Variants in WNT5A observed in about 807,000 individuals in gnomAD.
The protein encoded by WNT5A is Wnt family member 5A.
WNT5A carries 9 observed loss-of-function variants against 42.1 expected under a neutral mutation model. The ratio of observed to expected loss-of-function variants is 0.21; its 90% CI spans 0.13 to 0.37. WNT5A has a LOEUF of 0.37. WNT5A is among the 10% of genes least tolerant of loss of function. The pLI, the probability that WNT5A is intolerant of heterozygous loss-of-function variation, is 1.00. For synonymous variants in WNT5A, 210 were observed against 210.0 expected, an observed-to-expected ratio of 1.00 and a Z score of 0.00; for missense variants, 426 against 534.0, an observed-to-expected ratio of 0.80 and a Z score of 1.99.
At chr3:55,500,098 G>T in the WNT5A span, among the ~76,000 whole-genome samples, 1 of 152,150 alleles carries the variant, frequency 6.6e-6, no homozygotes, top group African/African-American at 2.4e-5. Flanking sequence ...GGGCCACAGA[G>T]TTGGGCAAAA....
rs572545730 is a variant in WNT5A, at chr3:55,466,036, G to C, written c.*4056C>G. The C allele has an allele frequency of 7.2e-4, 110 of 152,184 alleles. No individual in the cohort carries two copies. The highest frequency in any genetic ancestry group is 2.6e-3 in the African/African-American group (107 of 41,536). 9.4% of individuals were successfully genotyped at this position (152,184 alleles called of 1,614,324 possible). A position where few individuals can be genotyped will look rare whatever the true frequency, so the allele number is the denominator to read the frequency against. On this transcript the variant is annotated 3_prime_UTR_variant, in exon 5 of 5. Transcript: ENST00000264634. ...TTAAAGTGTAAAGTTTGTGTGAACA[G>C]GGAAATTAGATCATTTCTCTAAGTT... is the stretch of plus-strand genomic sequence containing the variant.
At chr3:55,504,907 A>G in the WNT5A span, among the ~76,000 whole-genome samples, 3 of 152,182 alleles carry the variant, frequency 2.0e-5, no homozygotes, top group African/African-American at 7.2e-5. Flanking sequence ...AACCCTATAT[A>G]TTAATTTTGT....
intron 3 of WNT5A, among the ~76,000 whole-genome samples, chr3:55,478,838 T>C (rs2051403261): frequency 6.6e-6 from 1 of 152,214 alleles, no homozygotes; most frequent in Non-Finnish European, 1.5e-5. Flanking sequence ...CAGGAAATAG[T>C]TCTATTAGGA....
intron 3 of WNT5A, among the ~76,000 whole-genome samples, chr3:55,474,916 G>A (rs1446765763): frequency 3.7e-5 from 5 of 136,078 alleles, no homozygotes; most frequent in African/African-American, 1.4e-4. Context: ...TGGGGTAGAG[G>A]GTAGGGAGTA....
chr3:55,475,977 G>A (rs760310516), intron 3 of WNT5A, among the ~76,000 whole-genome samples: 15 of 152,112 alleles, frequency 9.9e-5, no homozygotes, highest in African/African-American at 3.1e-4. Flanking sequence ...GCAAAATAAG[G>A]GTACTGAAAT....
chr3:55,474,911 T>C (rs1333874330), intron 3 of WNT5A, among the ~76,000 whole-genome samples: 2 of 44,092 alleles, frequency 4.5e-5, no homozygotes, highest in Non-Finnish European at 8.4e-5. Context: ...GAGGTTGGGG[T>C]AGAGGGTAGG....
At position 55,467,732 on chromosome 3, in the gene WNT5A, A is replaced by G. The variant is rs929398150; in HGVS notation, c.*2360T>C. 7.9e-5 allele frequency: 12 copies of G among 152,702 alleles called. No homozygotes were observed. The highest frequency in any genetic ancestry group is 2.9e-4 in the African/African-American group (12 of 41,594). 9.5% of individuals were successfully genotyped at this position (152,702 alleles called of 1,614,324 possible). ...GAATAAAGGCTAGAAGATATACATA[A>G]TATCTGAATGACATGTAGAATATTT... is the stretch of plus-strand genomic sequence containing the variant. On this transcript the variant is annotated 3_prime_UTR_variant, in exon 5 of 5. Transcript: ENST00000264634.
At chr3:55,473,373 A>T (rs889341489) in intron 4 of WNT5A, among the ~76,000 whole-genome samples, 1 of 152,204 alleles carries the variant, frequency 6.6e-6, no homozygotes, top group South Asian at 2.1e-4. Context: ...GTGAAAAAAT[A>T]ATGGCCCTGG....
intron 3 of WNT5A, among the ~76,000 whole-genome samples, chr3:55,478,676 T>TA (rs1407529105): frequency 1.2e-4 from 19 of 152,314 alleles, no homozygotes; most frequent in African/African-American, 4.6e-4. Context: ...GCAATACTCT[T>TA]AATTTTTTTT....
intron 3 of WNT5A, among the ~76,000 whole-genome samples, chr3:55,476,655 C>G (rs1298453086): frequency 6.6e-6 from 1 of 152,116 alleles, no homozygotes; most frequent in Non-Finnish European, 1.5e-5. Flanking sequence ...CCTTTTATGC[C>G]GCAGAATACA....
At chr3:55,484,196 A>G (rs774463060) in intron 1 of WNT5A, among the ~76,000 whole-genome samples, 24 of 152,174 alleles carry the variant, frequency 1.6e-4, no homozygotes, top group Non-Finnish European at 2.8e-4. Flanking sequence ...TCTTGGTGGA[A>G]AAAGAAAGCT....
In WNT5A at chr3:55,470,119, C is replaced by T. The variant is rs762481849; in HGVS notation, c.1116G>A (p.Glu372=). Residue 372 remains glutamate (E), a synonymous_variant, in exon 5 of 5, where the codon GAG becomes GAA. Coordinates refer to ENST00000264634, the MANE Select transcript of WNT5A (RefSeq NM_003392.7). ...CCYVKCKKCT[E]IVDQFVCK is the part of the protein sequence containing the mutation. ...ACTTGCACACAAACTGGTCCACGATCTCCGTGCACTTCTTGCACTTGACGT... is the reference window on the plus strand; with the variant it reads ...ACTTGCACACAAACTGGTCCACGATTTCCGTGCACTTCTTGCACTTGACGT... 2 of 1,614,134 alleles carry T rather than the reference C, an allele frequency of 1.2e-6. No individual in the cohort carries two copies. The highest frequency in any genetic ancestry group is 1.7e-6 in the Non-Finnish European group (2 of 1,179,976).
the WNT5A span, among the ~76,000 whole-genome samples, chr3:55,504,414 C>T: frequency 4.6e-5 from 7 of 152,008 alleles, no homozygotes; most frequent in Non-Finnish European, 8.8e-5. Flanking sequence ...TTTCCAACCC[C>T]TGTGATGTGA....
At chr3:55,501,334 A>G in the WNT5A span, among the ~76,000 whole-genome samples, 1 of 152,256 alleles carries the variant, frequency 6.6e-6, no homozygotes, top group Non-Finnish European at 1.5e-5. Flanking sequence ...TGGCTAAAAA[A>G]TAAAAAATGC....
chr3:55,476,858 A>G (rs1384025707), intron 3 of WNT5A, among the ~76,000 whole-genome samples: 1 of 152,180 alleles, frequency 6.6e-6, no homozygotes, highest in Non-Finnish European at 1.5e-5. Context: ...TTCCTTACAT[A>G]TCTTTTCACA....
chr3:55,504,353 C>G, the WNT5A span, among the ~76,000 whole-genome samples: 8 of 151,790 alleles, frequency 5.3e-5, no homozygotes, highest in African/African-American at 1.9e-4. Flanking sequence ...AAAACAAAAA[C>G]AAACAAACAG....
intron 2 of WNT5A, among the ~76,000 whole-genome samples, chr3:55,480,256 C>G (rs1005906051): frequency 2.0e-5 from 3 of 152,174 alleles, no homozygotes; most frequent in African/African-American, 7.2e-5. Flanking sequence ...AGAAAGAAAC[C>G]CCCACTTGGG....
At chr3:55,495,684 C>A in the WNT5A span, among the ~76,000 whole-genome samples, 1 of 152,120 alleles carries the variant, frequency 6.6e-6, no homozygotes, top group African/African-American at 2.4e-5. Flanking sequence ...AATATACTGA[C>A]CTCATTTCCT....
At chr3:55,498,071 G>A in the WNT5A span, among the ~76,000 whole-genome samples, 1 of 152,152 alleles carries the variant, frequency 6.6e-6, no homozygotes, top group African/African-American at 2.4e-5. Flanking sequence ...GGTTGACAAG[G>A]CCAAAATTAG....
Sources: gnomAD v4.1 joint callset for allele counts (sites outside exome capture counted in the v4.1 genomes callset) on GRCh38, gnomAD v4.1.1 for gene constraint, MANE v1.5 for transcripts, NCBI Gene and HGNC (gene_info 2026-07-23, HGNC 2026-07-21) for gene names.